CACNA1A: variants seen among roughly 807,000 people sequenced by gnomAD.
CACNA1A encodes voltage-dependent P/Q-type calcium channel subunit alpha-1A.
In CACNA1A, 57 loss-of-function variants were observed where a neutral mutation model predicts 262.4. That is an observed-to-expected ratio of 0.22 (90% CI 0.18 to 0.27). CACNA1A has a LOEUF of 0.27. CACNA1A is among the 10% of genes least tolerant of loss of function. The probability of loss-of-function intolerance (pLI) is 1.00; values close to 1 mark genes in which losing one functional copy is unlikely to be tolerated. For missense variants in CACNA1A, 2,526 were observed against 3,562.8 expected, an observed-to-expected ratio of 0.71 and a Z score of 7.41; for synonymous variants, 1,431 against 1,419.3, an observed-to-expected ratio of 1.01 and a Z score of -0.18.
chr19:13,268,678 C>T (rs958419744), intron 24 of CACNA1A, among the ~76,000 whole-genome samples: 8 of 152,092 alleles, frequency 5.3e-5, no homozygotes, highest in Non-Finnish European at 1.2e-4. Flanking sequence ...TCGTGATCCG[C>T]CCACCTTGGC....
At chr19:13,466,877 A>ATTATTTAT (rs59575263) in intron 1 of CACNA1A, among the ~76,000 whole-genome samples, 14,944 of 142,474 alleles carry the variant, frequency 0.1, 1,352 homozygotes, top group East Asian at 0.44. Flanking sequence ...TTAAATTTCC[A>ATTATTTAT]TTATTTATTT....
intron 24 of CACNA1A, among the ~76,000 whole-genome samples, chr19:13,263,842 G>A (rs2056799043): frequency 1.3e-5 from 2 of 152,116 alleles, no homozygotes; most frequent in South Asian, 4.1e-4. Context: ...CTTTTTAAAG[G>A]TGGTATCAGT....
At chr19:13,398,267 GAA>G (rs377538163) in intron 3 of CACNA1A, among the ~76,000 whole-genome samples, 1 of 125,656 alleles carries the variant, frequency 8.0e-6, no homozygotes, top group Admixed American at 8.0e-5. Context: ...CGTCGCAAAA[GAA>G]AAAAAAAAAA....
chr19:13,391,951 C>T (rs978548400), intron 3 of CACNA1A, among the ~76,000 whole-genome samples: 1 of 149,758 alleles, frequency 6.7e-6, no homozygotes, highest in South Asian at 2.1e-4. Flanking sequence ...GTGGGAGAAT[C>T]GCATGAGCCC....
chr19:13,451,638 AG>A (rs1442558237), intron 3 of CACNA1A: 4 of 152,362 alleles, frequency 2.6e-5, no homozygotes, highest in African/African-American at 9.6e-5. Flanking sequence ...TCTAGCCAAT[AG>A]GATATGAATG....
At chr19:13,478,610 C>T (rs576925928) in intron 1 of CACNA1A, among the ~76,000 whole-genome samples, 1 of 152,298 alleles carries the variant, frequency 6.6e-6, no homozygotes, top group East Asian at 1.9e-4. Flanking sequence ...AGCTACCACA[C>T]CTGGCCTAAA....
At chr19:13,248,419 A>T (rs2056307940) in intron 30 of CACNA1A, among the ~76,000 whole-genome samples, 1 of 150,722 alleles carries the variant, frequency 6.6e-6, no homozygotes, top group African/African-American at 2.4e-5. Flanking sequence ...CAAAAAAAAA[A>T]AAAAAAAAAA....
In CACNA1A at chr19:13,212,541, C is replaced by A; in HGVS notation, c.6051-19G>T. Reference sequence around the variant, plus strand: ...AGCCATCCTGCATGGGGGACAGAGGCCGGGGTAGCAGTGGGCGCTTGGGCA... The same window carrying A: ...AGCCATCCTGCATGGGGGACAGAGGACGGGGTAGCAGTGGGCGCTTGGGCA... On this transcript the variant is annotated intron_variant, in intron 41 of 46. Transcript: ENST00000360228. This position sits in a 1 kb window ranked among gnomAD's most constrained non-coding sequence, Gnocchi z 5.6. 1 of 1,552,530 alleles carries A rather than the reference C, an allele frequency of 6.4e-7. No individual in the cohort carries two copies. The highest frequency in any genetic ancestry group is 1.2e-5 in the South Asian group (1 of 84,346).
chr19:13,447,891 G>C (rs1230174140), intron 3 of CACNA1A, among the ~76,000 whole-genome samples: 1 of 152,146 alleles, frequency 6.6e-6, no homozygotes, highest in African/African-American at 2.4e-5. Context: ...TGCCCACACA[G>C]ATTGGGGGTG....
intron 3 of CACNA1A, among the ~76,000 whole-genome samples, chr19:13,441,859 T>G (rs8109635): frequency 0.099 from 14,996 of 151,780 alleles, 1,351 homozygotes; most frequent in East Asian, 0.26. Context: ...GTCATAGCAA[T>G]TCGAGAAAAC....
chr19:13,475,009 T>C (rs535050225), intron 1 of CACNA1A, among the ~76,000 whole-genome samples: 16 of 152,234 alleles, frequency 1.1e-4, no homozygotes, highest in Admixed American at 3.3e-4. Flanking sequence ...TTATTCAAGA[T>C]TGAAAAACAG....
At chr19:13,238,174 T>C (rs1454363541) in intron 31 of CACNA1A, among the ~76,000 whole-genome samples, 1 of 152,110 alleles carries the variant, frequency 6.6e-6, no homozygotes, top group Non-Finnish European at 1.5e-5. Flanking sequence ...ACCAATTCTT[T>C]CCACTGCCCC....
chr19:13,489,009 T>TC (rs1462822118), intron 1 of CACNA1A, among the ~76,000 whole-genome samples: 1 of 118,694 alleles, frequency 8.4e-6, no homozygotes, highest in Non-Finnish European at 1.7e-5. Context: ...TTTTCTTTTT[T>TC]TTTTTTTTTT....
intron 36 of CACNA1A, chr19:13,229,068 G>A (rs1019834448): frequency 4.2e-5 from 9 of 216,642 alleles, no homozygotes; most frequent in Non-Finnish European, 5.5e-5. Context: ...GGGGTGGGGG[G>A]GGGCTTGTGG....
intron 1 of CACNA1A, among the ~76,000 whole-genome samples, chr19:13,473,011 G>A (rs558937713): frequency 4.6e-5 from 7 of 152,252 alleles, no homozygotes; most frequent in East Asian, 3.9e-4. Flanking sequence ...CCAGCACTTC[G>A]GGAGGCTGAG....
intron 25 of CACNA1A, 164 bp downstream of exon 25, chr19:13,262,570 C>T: frequency 1.6e-6 from 1 of 609,212 alleles, no homozygotes; most frequent in Non-Finnish European, 3.0e-6. Context: ...ACTTTACTGC[C>T]ATCTGCTGGG....
chr19:13,305,032 G>A (rs1002540723), intron 15 of CACNA1A, among the ~76,000 whole-genome samples: 7 of 152,194 alleles, frequency 4.6e-5, no homozygotes, highest in African/African-American at 1.4e-4. Flanking sequence ...GGCAGACCCT[G>A]GAACAAGGGT....
chr19:13,344,460 A>G (rs2058727801), intron 6 of CACNA1A, among the ~76,000 whole-genome samples: 1 of 152,102 alleles, frequency 6.6e-6, no homozygotes, highest in Non-Finnish European at 1.5e-5. Context: ...CCCATCAGAG[A>G]AGCCTTCTTG....
At chr19:13,466,605 T>C (rs2061244711) in intron 1 of CACNA1A, among the ~76,000 whole-genome samples, 1 of 152,120 alleles carries the variant, frequency 6.6e-6, no homozygotes, top group African/African-American at 2.4e-5. Context: ...CCTCCCAAAG[T>C]GCTGGGATTA....
Sources: gnomAD v4.1 joint callset for allele counts (sites outside exome capture counted in the v4.1 genomes callset) on GRCh38, gnomAD v4.1.1 for gene constraint, Gnocchi (gnomAD v3.1) non-coding constraint, MANE v1.5 for transcripts, NCBI Gene and HGNC (gene_info 2026-07-23, HGNC 2026-07-21) for gene names.